The following ATF7IP2 variants were observed in gnomAD, a reference collection of about 807,000 sequenced individuals.
The protein encoded by ATF7IP2 is activating transcription factor 7-interacting protein 2.
A neutral mutation model predicts 64.2 loss-of-function variants in ATF7IP2; 42 were observed. The observed-to-expected ratio is 0.65, with a 90% CI of 0.51 to 0.85. The LOEUF (loss-of-function observed/expected upper bound fraction) is 0.85. ATF7IP2 is among the 40% of genes least tolerant of loss of function. The probability of loss-of-function intolerance (pLI) is 0.00; values close to 1 mark genes in which losing one functional copy is unlikely to be tolerated. For synonymous variants in ATF7IP2, 308 were observed against 272.8 expected (o/e 1.13, Z -1.27); for missense variants, 933 against 784.2 (o/e 1.19, Z -2.27).
intron 1 of ATF7IP2, among the ~76,000 whole-genome samples, chr16:10,413,439 T>C (rs776510828): frequency 1.2e-4 from 18 of 152,216 alleles, no homozygotes; most frequent in African/African-American, 2.2e-4. Flanking sequence ...TCCCCAGCCA[T>C]GTGGAACTGT....
chr16:10,433,430 C>T, intron 5 of ATF7IP2, 95 bp from the exon 6 acceptor site: 1 of 1,160,028 alleles, frequency 8.6e-7, no homozygotes, highest in Non-Finnish European at 1.2e-6. Context: ...CCTCCTTAGC[C>T]TCCCAGAGTG....
intron 1 of ATF7IP2, among the ~76,000 whole-genome samples, chr16:10,396,285 A>G (rs1223913100): frequency 6.6e-6 from 1 of 152,166 alleles, no homozygotes; most frequent in African/African-American, 2.4e-5. Flanking sequence ...TTAACCCCTG[A>G]TCAGATGTAT....
intron 12 of ATF7IP2, among the ~76,000 whole-genome samples, chr16:10,480,231 C>T (rs1158297131): frequency 6.6e-6 from 1 of 151,972 alleles, no homozygotes; most frequent in Non-Finnish European, 1.5e-5. Context: ...AAGTCATCTG[C>T]GTCCTAAAGT....
intron 2 of ATF7IP2, among the ~76,000 whole-genome samples, chr16:10,415,454 C>A (rs1181829275): frequency 6.6e-6 from 1 of 152,160 alleles, no homozygotes; most frequent in African/African-American, 2.4e-5. Context: ...GATCTGTTAT[C>A]TCTCACTATA....
At chr16:10,410,332 G>GT (rs1243099534) in intron 1 of ATF7IP2, among the ~76,000 whole-genome samples, 7 of 28,880 alleles carry the variant, frequency 2.4e-4, no homozygotes, top group African/African-American at 8.5e-4. Flanking sequence ...GTTTTGTTTT[G>GT]TTTTGTTTTG....
intron 9 of ATF7IP2, among the ~76,000 whole-genome samples, chr16:10,467,099 T>C (rs537775465): frequency 2.6e-5 from 4 of 152,272 alleles, no homozygotes; most frequent in African/African-American, 9.6e-5. Context: ...GGGAATGATA[T>C]CACAAGGCTT....
chr16:10,453,489 A>C (rs536716505), intron 8 of ATF7IP2, among the ~76,000 whole-genome samples: 3 of 152,328 alleles, frequency 2.0e-5, no homozygotes, highest in South Asian at 2.1e-4. Flanking sequence ...CTTCTGCATC[A>C]ATCTTACTGG....
intron 1 of ATF7IP2, among the ~76,000 whole-genome samples, chr16:10,397,185 G>T (rs367629052): frequency 4.6e-5 from 7 of 152,140 alleles, no homozygotes; most frequent in African/African-American, 1.4e-4. Flanking sequence ...CATTGGTTAT[G>T]TGTCTGTTTT....
In ATF7IP2 at chr16:10,482,334, G is replaced by C. The variant is rs2050268752; in HGVS notation, c.*85G>C. ...TGTAATACTATTTGCCATTGTAAAA[G>C]GCCAGCTCAGATTGTGAGCCCTTTC... On this transcript the variant is annotated 3_prime_UTR_variant, in exon 14 of 14. Transcript: ENST00000562102. The C allele has an allele frequency of 2.8e-6, 3 of 1,053,760 alleles. No individual in the cohort carries two copies. In the African/African-American group the frequency reaches 4.8e-5, roughly 17 times the overall value. The allele number at this position is 1,053,760 out of a possible 1,614,324, so 65.3% of individuals were successfully genotyped here.
chr16:10,482,505 C>A lies in ATF7IP2; in HGVS notation c.*256C>A, dbSNP rs2050274402. On this transcript the variant is annotated 3_prime_UTR_variant, in exon 14 of 14. Transcript: ENST00000562102. ...TTGCTGAGGTGCATTGTGAACAATA[C>A]CTTTAGTGACTGTGGAACTGCTGCT... The A allele has an allele frequency of 3.6e-6, 1 of 279,936 alleles. No homozygotes were observed. The highest frequency in any genetic ancestry group is 6.6e-6 in the Non-Finnish European group (1 of 150,946). The allele number at this position is 279,936 out of a possible 1,614,324, so 17.3% of individuals were successfully genotyped here.
At chr16:10,460,503 T>C (rs925026408) in intron 9 of ATF7IP2, among the ~76,000 whole-genome samples, 1 of 152,160 alleles carries the variant, frequency 6.6e-6, no homozygotes, top group Non-Finnish European at 1.5e-5. Context: ...GAGATTGGCA[T>C]GCGCTGGACA....
chr16:10,450,666 G>GGT (rs2048955196), intron 8 of ATF7IP2, among the ~76,000 whole-genome samples: 1 of 151,496 alleles, frequency 6.6e-6, no homozygotes, highest in African/African-American at 2.4e-5. Context: ...CCATTTGCTT[G>GGT]GTAGATCTTC....
At chr16:10,449,731 G>C (rs757545033) in intron 8 of ATF7IP2, 2 of 151,930 alleles carry the variant, frequency 1.3e-5, no homozygotes, top group African/African-American at 2.4e-5. Flanking sequence ...GGTCTATTTT[G>C]TTGGATCTTT....
chr16:10,434,370 A>ATT lies in ATF7IP2; in HGVS notation c.960+722_960+723dup, dbSNP rs201318359. Among the ~76,000 whole-genome samples the ATT allele has an allele frequency of 4.3e-3, 648 of 152,264 alleles. 15 individuals are homozygous for ATT. Among genetic ancestry groups the ATT allele is most frequent in the East Asian group, 0.019 (99 of 5,182 alleles). The stretch of plus-strand genomic sequence containing the variant: ...CACTAGAATGCCACCACTACAAATC[A>ATT]TTACCTAGTAGACTAATGTCTTCCA... On this transcript the variant is annotated intron_variant, in intron 6 of 13. Coordinates refer to ENST00000562102, the MANE Select transcript of ATF7IP2 (RefSeq NM_001393719.1).
chr16:10,457,590 C>T, intron 9 of ATF7IP2, 61 bp downstream of exon 9: 1 of 1,260,712 alleles, frequency 7.9e-7, no homozygotes, highest in South Asian at 1.7e-5. Context: ...ATTTTTTCTT[C>T]ATCACAGTTT....
intron 6 of ATF7IP2, among the ~76,000 whole-genome samples, chr16:10,434,083 A>G (rs914351520): frequency 6.6e-6 from 1 of 152,232 alleles, no homozygotes; most frequent in African/African-American, 2.4e-5. Context: ...CTGGAAGTCC[A>G]TTGCAAAGTC....
intron 2 of ATF7IP2, 53 bp from the exon 3 acceptor site, chr16:10,419,528 A>G (rs1162484495): frequency 6.5e-6 from 1 of 152,926 alleles, no homozygotes; most frequent in Non-Finnish European, 1.5e-5. Flanking sequence ...GATCACTGCT[A>G]TCATAGCTAT....
chr16:10,395,763 T>C (rs2047408682), intron 1 of ATF7IP2, among the ~76,000 whole-genome samples: 1 of 152,094 alleles, frequency 6.6e-6, no homozygotes, highest in African/African-American at 2.4e-5. Flanking sequence ...ATAGGGAAAG[T>C]TTGGAACTTC....
Position 10,432,773 on chromosome 16 carries a change from G to T in ATF7IP2, c.836-752G>T, listed in dbSNP as rs184855353. The stretch of plus-strand genomic sequence containing the variant: ...TATTATTATTATCGCAGCTACTTGG[G>T]AGACTGAGACAGGAGAATTGCTTGA... On this transcript the variant is annotated intron_variant, in intron 5 of 13. Transcript: ENST00000562102. Among the ~76,000 whole-genome samples the T allele has an allele frequency of 3.1e-3, 472 of 152,276 alleles. 5 individuals carry two copies. The highest frequency in any genetic ancestry group is 5.6e-3 in the Non-Finnish European group (378 of 68,022).
Sources: gnomAD v4.1 joint callset for allele counts (sites outside exome capture counted in the v4.1 genomes callset) on GRCh38, gnomAD v4.1.1 for gene constraint, MANE v1.5 for transcripts, NCBI Gene and HGNC (gene_info 2026-07-23, HGNC 2026-07-21) for gene names.